ADGRG4: variants seen among roughly 807,000 people sequenced by gnomAD.
ADGRG4 encodes adhesion G protein-coupled receptor G4.
Under a neutral mutation model 126.2 loss-of-function variants are expected in ADGRG4, and 122 were observed. That is an observed-to-expected ratio of 0.97 (90% confidence interval 0.83 to 1.12). ADGRG4 has a LOEUF of 1.12. ADGRG4 is among the 50% of genes most tolerant of loss of function. ADGRG4 has a pLI of 0.00. For synonymous variants in ADGRG4, 943 were observed against 838.7 expected (o/e 1.12, Z -2.15); for missense variants, 2,481 against 2,251.8 (o/e 1.10, Z -2.06).
At chrX:136,379,426 C>T (rs985324057) in intron 15 of ADGRG4, among the ~76,000 whole-genome samples, 4 of 108,624 alleles carry the variant, frequency 3.7e-5, no homozygotes, top group African/African-American at 1.3e-4. Flanking sequence ...TTCTGCTCTC[C>T]GTTCCTCTTG....
intron 19 of ADGRG4, among the ~76,000 whole-genome samples, chrX:136,395,912 T>A (rs2075344632): frequency 1.8e-5 from 2 of 112,265 alleles, no homozygotes; most frequent in Admixed American, 9.4e-5. Flanking sequence ...TGTGTATGTA[T>A]CTATTATACT....
At chrX:136,342,159 C>T (rs964868766) in intron 5 of ADGRG4, among the ~76,000 whole-genome samples, 10 of 111,760 alleles carry the variant, frequency 8.9e-5, no homozygotes, top group African/African-American at 3.3e-4. Context: ...CACTATTCTC[C>T]GAGTTGCCCA....
Position 136,348,093 on chromosome X carries a change from C to A in ADGRG4, c.4387C>A (p.Pro1463Thr), listed in dbSNP as rs1472362666. 1 of 1,210,018 alleles carries A rather than the reference C, an allele frequency of 8.3e-7. No individual in the cohort carries two copies. The highest frequency in any genetic ancestry group is 3.0e-5 in the East Asian group (1 of 33,805). ...CATTTCTGAAAGCACACAGACTTTCCCTGAGTCCTTGTCTCTTTCCACAGC... is the reference window on the plus strand; with the variant it reads ...CATTTCTGAAAGCACACAGACTTTCACTGAGTCCTTGTCTCTTTCCACAGC... ...SFISESTQTF[P>T]ESLSLSTAGL... The change falls in exon 6 of 26, where the codon CCT (proline) becomes ACT (threonine). Residue 1463 changes from proline (P) to threonine (T), a missense_variant. Coordinates refer to ENST00000394143, the MANE Select transcript of ADGRG4 (RefSeq NM_153834.4).
intron 4 of ADGRG4, among the ~76,000 whole-genome samples, chrX:136,316,038 A>G (rs2074803094): frequency 1.8e-5 from 2 of 112,228 alleles, no homozygotes; most frequent in Admixed American, 1.9e-4. Flanking sequence ...TGTTGTTTAA[A>G]CAACCCAGTA....
chrX:136,316,451 T>A (rs1280229116), intron 4 of ADGRG4, among the ~76,000 whole-genome samples: 2 of 111,084 alleles, frequency 1.8e-5, no homozygotes, highest in African/African-American at 6.5e-5. Flanking sequence ...CCATTTACTC[T>A]CTGACTTTTT....
chrX:136,329,803 C>T (rs908634822), intron 5 of ADGRG4, among the ~76,000 whole-genome samples: 31 of 110,065 alleles, frequency 2.8e-4, no homozygotes, highest in African/African-American at 1.0e-3. Flanking sequence ...CACCCCACCC[C>T]GAGTAGCTAG....
intron 5 of ADGRG4, among the ~76,000 whole-genome samples, chrX:136,324,904 T>A (rs765067243): frequency 4.8e-4 from 54 of 112,076 alleles, no homozygotes; most frequent in South Asian, 7.5e-4. Flanking sequence ...CTGAGAGCAA[T>A]TATGATATGG....
chrX:136,409,963 G>C (rs1251802114), intron 23 of ADGRG4, among the ~76,000 whole-genome samples: 6 of 112,695 alleles, frequency 5.3e-5, no homozygotes, highest in Non-Finnish European at 1.1e-4. Context: ...CTAGCTCCAT[G>C]TTAGCCCTGT....
chrX:136,302,907 C>G (rs1260285600), intron 1 of ADGRG4, among the ~76,000 whole-genome samples: 1 of 111,689 alleles, frequency 9.0e-6, no homozygotes, highest in African/African-American at 3.2e-5. Flanking sequence ...TTCCATGTTG[C>G]AGATGAGGAA....
chrX:136,311,394 TAC>T (rs72201867), intron 4 of ADGRG4, among the ~76,000 whole-genome samples: 3,745 of 95,000 alleles, frequency 0.039, 64 homozygotes, highest in African/African-American at 0.058. Flanking sequence ...TCATACCATG[TAC>T]ACACACACAC....
chrX:136,341,646 T>C (rs1021066524), intron 5 of ADGRG4, among the ~76,000 whole-genome samples: 3 of 112,371 alleles, frequency 2.7e-5, no homozygotes. Flanking sequence ...TCTGTGGTAA[T>C]TGGAAAAATG....
In ADGRG4 at chrX:136,346,972, C is replaced by T; in HGVS notation, c.3266C>T (p.Ser1089Leu). ...PTHGDLIRTTSEATVISVRKT... is the reference protein window; with the variant it reads ...PTHGDLIRTTLEATVISVRKT... ...CATGGAGACTTGATTCGTACCACTT[C>T]AGAGGCCACGGTAATCTCTGTCAGG... The change falls in exon 6 of 26, where the codon TCA becomes TTA. Residue 1089 changes from serine (S) to leucine (L), a missense_variant. By Grantham distance (145) the Ser-to-Leu change is moderately radical. Coordinates refer to ENST00000394143, the MANE Select transcript of ADGRG4 (RefSeq NM_153834.4). The T allele has an allele frequency of 2.5e-6, 3 of 1,210,656 alleles. No homozygotes were observed. Among genetic ancestry groups the T allele is most frequent in the Non-Finnish European group, 3.4e-6 (3 of 894,525 alleles).
In ADGRG4 at chrX:136,361,598, G is replaced by A. The variant is rs1222872461; in HGVS notation, c.7277+11G>A. On this transcript the variant is annotated intron_variant, in intron 12 of 25. Coordinates refer to ENST00000394143, the MANE Select transcript of ADGRG4 (RefSeq NM_153834.4). ...TGCCACAAGATTCTGGTATGTACAG[G>A]CCAAGTTCTAATTGCTGATTCAGAT... is the stretch of plus-strand genomic sequence containing the variant. 2 of 1,129,127 alleles carry A rather than the reference G, an allele frequency of 1.8e-6. No individual in the cohort carries two copies. The highest frequency in any genetic ancestry group is 3.6e-5 in the African/African-American group (2 of 55,130). The allele number at this position is 1,129,127 out of a possible 1,213,427, so 93.1% of individuals were successfully genotyped here.
chrX:136,400,664 A>G (rs139105631), intron 21 of ADGRG4, among the ~76,000 whole-genome samples: 26 of 112,032 alleles, frequency 2.3e-4, no homozygotes, highest in African/African-American at 8.4e-4. Context: ...TCTAACCTCT[A>G]TGGTCTTGCC....
intron 4 of ADGRG4, among the ~76,000 whole-genome samples, chrX:136,314,469 C>T (rs1050424956): frequency 8.1e-5 from 9 of 111,552 alleles, no homozygotes; most frequent in African/African-American, 2.9e-4. Flanking sequence ...AAGCACAGTC[C>T]CACCAAAAGG....
chrX:136,347,340 G>A lies in ADGRG4; in HGVS notation c.3634G>A (p.Glu1212Lys). ...TGTTETSVVD[E>K]TTPSHISANK... is the part of the protein sequence containing the mutation. ...CACCACAGAGACCTCTGTTGTTGATGAGACCACACCCTCACACATCTCTGC... is the reference window on the plus strand; with the variant it reads ...CACCACAGAGACCTCTGTTGTTGATAAGACCACACCCTCACACATCTCTGC... The change falls in exon 6 of 26, where the codon GAG (glutamate) becomes AAG (lysine). Residue 1212 changes from glutamate to lysine, a missense_variant. By Grantham distance (56) the Glu-to-Lys change is moderately conservative. Transcript: ENST00000394143. 1 of 1,209,005 alleles carries A rather than the reference G, an allele frequency of 8.3e-7. No individual in the cohort carries two copies. The highest frequency in any genetic ancestry group is 1.1e-6 in the Non-Finnish European group (1 of 893,330).
intron 4 of ADGRG4, among the ~76,000 whole-genome samples, chrX:136,313,015 T>A (rs181308676): frequency 8.9e-6 from 1 of 112,676 alleles, no homozygotes; most frequent in African/African-American, 3.2e-5. Context: ...CTGAACAATA[T>A]TCAATGGTAT....
At position 136,373,174 on chromosome X, in the gene ADGRG4, C is replaced by T. The variant is rs773278848; in HGVS notation, c.7776+110C>T. 8.3e-5 allele frequency: 55 copies of T among 665,571 alleles called. No individual in the cohort carries two copies. In the African/African-American group the frequency reaches 1.1e-3, roughly 14 times the overall value. 54.9% of individuals were successfully genotyped at this position (665,571 alleles called of 1,213,427 possible). A position where few individuals can be genotyped will look rare whatever the true frequency, so the allele number is the denominator to read the frequency against. On this transcript the variant is annotated intron_variant, in intron 15 of 25. Transcript: ENST00000394143. ...CACTCCGTTATGGTTTTAAGGGGAC[C>T]TTATGGAAATACAGACATCCCAGGG...
intron 12 of ADGRG4, 103 bp from the exon 13 acceptor site, chrX:136,363,374 G>T: frequency 1.7e-6 from 1 of 584,950 alleles, no homozygotes; most frequent in Non-Finnish European, 2.9e-6. Context: ...CAGGAGGCTT[G>T]GGGCAGGCGA....
Sources: gnomAD v4.1 joint callset for allele counts (sites outside exome capture counted in the v4.1 genomes callset) on GRCh38, gnomAD v4.1.1 for gene constraint, MANE v1.5 for transcripts, NCBI Gene and HGNC (gene_info 2026-07-23, HGNC 2026-07-21) for gene names.